The following LRGUK variants were observed in gnomAD, a reference collection of about 807,000 sequenced individuals.
LRGUK encodes the protein leucine rich repeats and guanylate kinase domain containing.
Under a neutral mutation model 76.0 loss-of-function variants are expected in LRGUK, and 65 were observed. The ratio of observed to expected loss-of-function variants is 0.85; its 90% CI spans 0.70 to 1.05. The LOEUF (loss-of-function observed/expected upper bound fraction) is 1.05. Among genes scored for constraint, LRGUK ranks in the 50% least tolerant of loss-of-function variants. The pLI is 0.00. For synonymous variants in LRGUK, 268 were observed against 265.6 expected, an observed-to-expected ratio of 1.01 and a Z score of -0.09; for missense variants, 758 against 732.8, an observed-to-expected ratio of 1.03 and a Z score of -0.40.
intron 7 of LRGUK, among the ~76,000 whole-genome samples, chr7:134,166,485 G>A (rs1365363863): frequency 1.3e-5 from 2 of 152,044 alleles, no homozygotes; most frequent in African/African-American, 2.4e-5. Context: ...TTCGAAAAAC[G>A]CTGTCTTACT....
At chr7:134,157,706 G>T (rs908153957) in intron 5 of LRGUK, among the ~76,000 whole-genome samples, 7 of 152,148 alleles carry the variant, frequency 4.6e-5, no homozygotes, top group African/African-American at 1.7e-4. Flanking sequence ...TGTATTTTTA[G>T]TAGAGACGGG....
intron 15 of LRGUK, among the ~76,000 whole-genome samples, chr7:134,218,425 A>G (rs1262809143): frequency 6.6e-6 from 1 of 151,468 alleles, no homozygotes; most frequent in Non-Finnish European, 1.5e-5. Context: ...CTCATTTTGA[A>G]AAGTAATCAG....
At chr7:134,254,208 A>T (rs935755601) in intron 18 of LRGUK, among the ~76,000 whole-genome samples, 1 of 152,248 alleles carries the variant, frequency 6.6e-6, no homozygotes, top group Non-Finnish European at 1.5e-5. Flanking sequence ...GTGCAAACAG[A>T]AAGATACTGC....
chr7:134,233,733 T>C (rs1801953538), intron 16 of LRGUK, among the ~76,000 whole-genome samples: 1 of 152,228 alleles, frequency 6.6e-6, no homozygotes, highest in African/African-American at 2.4e-5. Flanking sequence ...TTTTTTATTT[T>C]ATTTTATTTT....
intron 16 of LRGUK, among the ~76,000 whole-genome samples, chr7:134,240,339 AG>A (rs1479644571): frequency 2.0e-5 from 3 of 152,252 alleles, no homozygotes; most frequent in Non-Finnish European, 4.4e-5. Flanking sequence ...TAGAATAAAC[AG>A]TGTAGAGAAG....
At chr7:134,160,478 A>C (rs966646201) in intron 6 of LRGUK, among the ~76,000 whole-genome samples, 1 of 152,182 alleles carries the variant, frequency 6.6e-6, no homozygotes, top group African/African-American at 2.4e-5. Context: ...TTGTTTCAAT[A>C]GTTTTTAATG....
At chr7:134,134,923 T>A (rs1007526038) in intron 1 of LRGUK, among the ~76,000 whole-genome samples, 10 of 152,210 alleles carry the variant, frequency 6.6e-5, no homozygotes, top group Non-Finnish European at 1.5e-4. Flanking sequence ...ATGTCCATTT[T>A]TTTTTCTTTC....
At chr7:134,236,184 T>C (rs560927352) in intron 16 of LRGUK, among the ~76,000 whole-genome samples, 2 of 152,308 alleles carry the variant, frequency 1.3e-5, no homozygotes, top group East Asian at 3.9e-4. Context: ...ACTCCCCAAG[T>C]TGGGACATGG....
intron 1 of LRGUK, among the ~76,000 whole-genome samples, chr7:134,129,446 G>A (rs111333666): frequency 1.9e-5 from 1 of 51,374 alleles, no homozygotes; most frequent in Non-Finnish European, 3.6e-5. Flanking sequence ...CCTCCCTTCC[G>A]TCCCTCCCCT....
At chr7:134,266,362 T>C (rs1028991861), downstream of LRGUK, among the ~76,000 whole-genome samples, 1 of 152,218 alleles carries the variant, frequency 6.6e-6, no homozygotes, top group African/African-American at 2.4e-5. Flanking sequence ...ATAAAAATGC[T>C]TCAACAAGCA....
At position 134,150,479 on chromosome 7, in the gene LRGUK, C is replaced by CAA. The variant is rs11403705; in HGVS notation, c.670+2175_670+2176dup. On this transcript the variant is annotated intron_variant, in intron 5 of 15. Coordinates refer to ENST00000645682, the Ensembl canonical transcript of LRGUK. Reference sequence around the variant, plus strand: ...TCGTCTCAAAACAAAAACAAGCAAACAAAAAAAAAAAAAAAAGAAAAAGAA... The same window carrying CAA: ...TCGTCTCAAAACAAAAACAAGCAAACAAAAAAAAAAAAAAAAAAGAAAAAGAA... 1.9e-3 allele frequency among the ~76,000 whole-genome samples: 254 copies of CAA among 134,534 alleles called. 1 individual carries two copies. The highest frequency in any genetic ancestry group is 4.0e-3 in the Middle Eastern group (1 of 250). 88.3% of individuals were successfully genotyped at this position (134,534 alleles called of 152,430 possible).
chr7:134,242,964 C>T (rs1802202426), intron 16 of LRGUK, among the ~76,000 whole-genome samples: 1 of 152,278 alleles, frequency 6.6e-6, no homozygotes, highest in East Asian at 1.9e-4. Context: ...ACATGATTAT[C>T]TCAATACATG....
intron 11 of LRGUK, 124 bp downstream of exon 11, chr7:134,183,977 T>C: frequency 6.3e-6 from 8 of 1,269,532 alleles, no homozygotes; most frequent in Non-Finnish European, 8.8e-6. Flanking sequence ...ATTTCAGAAA[T>C]GTACAAAACA....
chr7:134,255,340 GTTAA>G (rs984472518), intron 18 of LRGUK, among the ~76,000 whole-genome samples: 6 of 152,008 alleles, frequency 3.9e-5, no homozygotes, highest in Non-Finnish European at 7.4e-5. Flanking sequence ...ACTGAGGCAA[GTTAA>G]TTAGTCGGTA....
At chr7:134,196,957 G>C (rs765869056) in intron 12 of LRGUK, 35 bp from the exon 13 acceptor site, 29 of 1,133,042 alleles carry the variant, frequency 2.6e-5, no homozygotes, top group Non-Finnish European at 3.7e-5. Flanking sequence ...GATGGCTGCT[G>C]TTATATGAAA....
intron 16 of LRGUK, among the ~76,000 whole-genome samples, chr7:134,225,801 T>C (rs1161771289): frequency 6.6e-6 from 1 of 152,216 alleles, no homozygotes; most frequent in Non-Finnish European, 1.5e-5. Context: ...GCTGGTATAA[T>C]GCTGCAAAAC....
At chr7:134,150,331 A>T (rs529045545) in intron 5 of LRGUK, among the ~76,000 whole-genome samples, 2 of 152,036 alleles carry the variant, frequency 1.3e-5, no homozygotes, top group African/African-American at 4.8e-5. Flanking sequence ...GCCTGATGGC[A>T]CGTGCCTGTA....
exon 16 of LRGUK, chr7:134,210,049 C>A (rs986087094): frequency 2.5e-6 from 1 of 399,624 alleles, no homozygotes; most frequent in African/African-American, 2.1e-5. Flanking sequence ...CCTCACCCCA[C>A]AACCAGGGGC....
chr7:134,136,920 C>T lies in LRGUK; in HGVS notation c.298-103C>T, dbSNP rs1797563228. 1.6e-5 allele frequency: 16 copies of T among 972,180 alleles called. 1 individual carries two copies. The South Asian group carries it at 2.6e-4, about 16-fold the overall frequency. The allele number at this position is 972,180 out of a possible 1,614,324, so 60.2% of individuals were successfully genotyped here. A position where few individuals can be genotyped will look rare whatever the true frequency, so the allele number is the denominator to read the frequency against. On this transcript the variant is annotated intron_variant, in intron 1 of 15. Coordinates refer to ENST00000645682, the Ensembl canonical transcript of LRGUK. ...TTGGTAAATTTTGGAGAGCTCAGCT[C>T]CTGGGTATAAAATATACTAAATAAG...
Sources: gnomAD v4.1 joint callset for allele counts (sites outside exome capture counted in the v4.1 genomes callset) on GRCh38, gnomAD v4.1.1 for gene constraint, MANE v1.5 for transcripts, NCBI Gene and HGNC (gene_info 2026-07-23, HGNC 2026-07-21) for gene names.